The following SESN3 variants were observed in gnomAD, a reference collection of about 807,000 sequenced individuals.
The protein encoded by SESN3 is sestrin 3, also known as sestrin-3.
A neutral mutation model predicts 55.3 loss-of-function variants in SESN3; 21 were observed. The observed-to-expected ratio is 0.38, with a 90% confidence interval of 0.27 to 0.55. The LOEUF (loss-of-function observed/expected upper bound fraction) is 0.55. Ranked by LOEUF, SESN3 falls within the 20% of genes least tolerant of loss-of-function variation. The pLI is 0.76. For missense variants in SESN3, 408 were observed against 604.3 expected, an observed-to-expected ratio of 0.68 and a Z score of 3.41; for synonymous variants, 181 against 203.1, an observed-to-expected ratio of 0.89 and a Z score of 0.93.
chr11:95,205,901 G>T (rs1801657942), intron 1 of SESN3, among the ~76,000 whole-genome samples: 1 of 151,848 alleles, frequency 6.6e-6, no homozygotes, highest in Non-Finnish European at 1.5e-5. Context: ...GTTTATTGAG[G>T]GGGTGGAGTT....
intron 9 of SESN3, 43 bp from the exon 10 acceptor site, chr11:95,173,384 C>G: frequency 7.8e-7 from 1 of 1,274,684 alleles, no homozygotes; most frequent in Non-Finnish European, 1.1e-6. Context: ...ATTATAAACA[C>G]CTGGAAAATC....
intron 5 of SESN3, 26 bp from the exon 6 acceptor site, chr11:95,184,620 G>T: frequency 6.2e-7 from 1 of 1,600,716 alleles, no homozygotes; most frequent in Non-Finnish European, 8.5e-7. Context: ...ATAATGTTGG[G>T]TGCTATTCAT....
At chr11:95,197,597 C>T (rs1476220619) in intron 1 of SESN3, among the ~76,000 whole-genome samples, 1 of 151,870 alleles carries the variant, frequency 6.6e-6, no homozygotes. Flanking sequence ...TAACACTTTA[C>T]CACCCAACCC....
intron 1 of SESN3, among the ~76,000 whole-genome samples, chr11:95,213,435 C>A (rs1860696073): frequency 6.6e-6 from 1 of 152,210 alleles, no homozygotes; most frequent in Non-Finnish European, 1.5e-5. Flanking sequence ...ACAATGTGGT[C>A]TTATTCTCTA....
At chr11:95,209,989 C>T (rs1050963880) in intron 1 of SESN3, among the ~76,000 whole-genome samples, 3 of 135,734 alleles carry the variant, frequency 2.2e-5, no homozygotes, top group Non-Finnish European at 3.1e-5. Context: ...TGCACTCCAA[C>T]CTGGGCAACA....
intron 6 of SESN3, among the ~76,000 whole-genome samples, chr11:95,179,783 AAAAG>A (rs746317790): frequency 2.0e-5 from 3 of 152,156 alleles, no homozygotes; most frequent in Non-Finnish European, 2.9e-5. Context: ...TATGAAAACA[AAAAG>A]AACACAACAT....
intron 6 of SESN3, among the ~76,000 whole-genome samples, chr11:95,179,159 G>GTTT (rs1555118233): frequency 6.9e-6 from 1 of 145,340 alleles, no homozygotes; most frequent in Non-Finnish European, 1.5e-5. Context: ...AGCTTAACCA[G>GTTT]TTTTTTTTTT....
At chr11:95,183,458 A>G (rs553362797) in intron 6 of SESN3, among the ~76,000 whole-genome samples, 2 of 152,244 alleles carry the variant, frequency 1.3e-5, no homozygotes, top group East Asian at 3.9e-4. Flanking sequence ...CGGCTGAAAC[A>G]ATTCTCAAAA....
At position 95,170,015 on chromosome 11, in the gene SESN3, T is replaced by G. The variant is rs1170183462; in HGVS notation, c.*3240A>C. ...TTAAAGGCCAAGGCTATGCCCCAGA[T>G]TCCATGTTAGCCATCTTTTATTTTA... On this transcript the variant is annotated 3_prime_UTR_variant, in exon 10 of 10. Transcript: ENST00000536441. 2.0e-5 allele frequency: 3 copies of G among 152,312 alleles called. No homozygotes were observed. The highest frequency in any genetic ancestry group is 3.9e-4 in the East Asian group (2 of 5,186). The allele number at this position is 152,312 out of a possible 1,614,324, so 9.4% of individuals were successfully genotyped here. A position where few individuals can be genotyped will look rare whatever the true frequency, so the allele number is the denominator to read the frequency against.
chr11:95,176,342 G>A (rs932514750), intron 8 of SESN3, among the ~76,000 whole-genome samples: 5 of 152,192 alleles, frequency 3.3e-5, no homozygotes, highest in African/African-American at 1.2e-4. Flanking sequence ...AAATGAGGCA[G>A]TAGCCAGATG....
chr11:95,187,680 C>A (rs927450119), intron 4 of SESN3, among the ~76,000 whole-genome samples: 3 of 151,862 alleles, frequency 2.0e-5, no homozygotes, highest in African/African-American at 7.2e-5. Flanking sequence ...CATCCACAAT[C>A]TTCCTTCCTT....
At chr11:95,190,234 T>C (rs1860240762) in intron 3 of SESN3, among the ~76,000 whole-genome samples, 1 of 152,004 alleles carries the variant, frequency 6.6e-6, no homozygotes, top group African/African-American at 2.4e-5. Flanking sequence ...TTTCTAGCTA[T>C]GAATAGGAAA....
chr11:95,176,220 T>C (rs1022249803), intron 8 of SESN3, among the ~76,000 whole-genome samples: 6 of 152,118 alleles, frequency 3.9e-5, no homozygotes, highest in African/African-American at 1.4e-4. Context: ...TGTTGGTTGA[T>C]AGGGACAAAA....
intron 1 of SESN3, among the ~76,000 whole-genome samples, chr11:95,219,144 G>A (rs1419331670): frequency 6.6e-6 from 1 of 152,006 alleles, no homozygotes; most frequent in African/African-American, 2.4e-5. Flanking sequence ...TAATTATATA[G>A]GTCATACTCT....
chr11:95,185,065 G>C (rs1860138134), intron 5 of SESN3, among the ~76,000 whole-genome samples, 191 bp downstream of exon 5: 1 of 151,964 alleles, frequency 6.6e-6, no homozygotes, highest in African/African-American at 2.4e-5. Flanking sequence ...GCAGTAATAT[G>C]TATTTGCTTT....
chr11:95,186,943 T>C (rs1860179315), intron 4 of SESN3, among the ~76,000 whole-genome samples: 1 of 151,860 alleles, frequency 6.6e-6, no homozygotes, highest in African/African-American at 2.4e-5. Context: ...ATTCTACCAC[T>C]CTAACTTTTA....
chr11:95,193,935 C>G (rs767424012), intron 1 of SESN3, among the ~76,000 whole-genome samples: 1 of 152,054 alleles, frequency 6.6e-6, no homozygotes, highest in African/African-American at 2.4e-5. Flanking sequence ...AAAGCAATTA[C>G]CCAGTCTGCT....
Position 95,230,872 on chromosome 11 carries a change from G to A in SESN3, c.-12C>T. 7 of 1,565,020 alleles carry A rather than the reference G, an allele frequency of 4.5e-6. No homozygotes were observed. Among genetic ancestry groups the A allele is most frequent in the Non-Finnish European group, 6.0e-6 (7 of 1,162,610 alleles). Reference sequence around the variant, plus strand: ...CCGCCCCGGTTCATCGTGGCTGCGGGCGCCGAGGCGAGAGCGGGCGGAGGG... The same window carrying A: ...CCGCCCCGGTTCATCGTGGCTGCGGACGCCGAGGCGAGAGCGGGCGGAGGG... On this transcript the variant is annotated 5_prime_UTR_variant, in exon 1 of 10. Coordinates refer to ENST00000536441, the MANE Select transcript of SESN3 (RefSeq NM_144665.4). This position sits in a 1 kb window ranked among gnomAD's most constrained non-coding sequence, Gnocchi z 4.6.
At position 95,175,557 on chromosome 11, in the gene SESN3, C is replaced by T; in HGVS notation, c.1333G>A (p.Glu445Lys). 1 of 1,613,886 alleles carries T rather than the reference C, an allele frequency of 6.2e-7. No homozygotes were observed. Among genetic ancestry groups the T allele is most frequent in the Non-Finnish European group, 8.5e-7 (1 of 1,179,834 alleles). Residue 445 changes from glutamate to lysine, a missense_variant, in exon 9 of 10, where the codon GAG (glutamate) becomes AAG (lysine). Transcript: ENST00000536441. ...VYIKTVTCYPERTTKRMYDSY... is the reference protein window; with the variant it reads ...VYIKTVTCYPKRTTKRMYDSY... ...TCATACATGCGTTTTGTAGTTCTCTCAGGATAGCAGGTCACTGTCTTAATG... is the reference window on the plus strand; with the variant it reads ...TCATACATGCGTTTTGTAGTTCTCTTAGGATAGCAGGTCACTGTCTTAATG...
Sources: allele counts gnomAD v4.1 joint callset (sites outside exome capture counted in the v4.1 genomes callset), GRCh38; gene constraint gnomAD v4.1.1; non-coding constraint Gnocchi (gnomAD v3.1); transcripts MANE v1.5; gene names NCBI Gene and HGNC (gene_info 2026-07-23, HGNC 2026-07-21).